The following CAMK1D variants were observed in gnomAD, a reference collection of about 807,000 sequenced individuals.
CAMK1D encodes calcium/calmodulin dependent protein kinase ID.
In CAMK1D, 9 loss-of-function variants were observed where a neutral mutation model predicts 47.7. That is an observed-to-expected ratio of 0.19 (90% CI 0.11 to 0.33). The LOEUF (loss-of-function observed/expected upper bound fraction) is 0.33, where lower values mean the gene tolerates loss of function less well. Among genes scored for constraint, CAMK1D ranks in the 10% least tolerant of loss-of-function variants. The pLI, the probability that CAMK1D is intolerant of heterozygous loss-of-function variation, is 1.00. For missense variants in CAMK1D, 291 were observed against 488.7 expected, an observed-to-expected ratio of 0.60 and a Z score of 3.81; for synonymous variants, 184 against 184.9, an observed-to-expected ratio of 0.99 and a Z score of 0.04.
chr10:12,696,117 A>G (rs1439587404), intron 3 of CAMK1D, among the ~76,000 whole-genome samples: 1 of 151,862 alleles, frequency 6.6e-6, no homozygotes, highest in Admixed American at 6.6e-5. Context: ...AAATAAACGA[A>G]TATTATTTGA....
chr10:12,605,358 G>GTGTGTGTGTGTC (rs1443257957), intron 2 of CAMK1D, among the ~76,000 whole-genome samples: 1 of 151,490 alleles, frequency 6.6e-6, no homozygotes, highest in Admixed American at 6.6e-5. Context: ...GTGTGTGTGT[G>GTGTGTGTGTGTC]TGTGTGTGTA....
rs149767929 is a variant in CAMK1D at position 12,657,516 on chromosome 10, G to T, written c.225-9220G>T. On this transcript the variant is annotated intron_variant, in intron 2 of 10. Transcript: ENST00000619168. Reference sequence around the variant, plus strand: ...AGTTTAGCAACTTGACTGTTCTTGGGTTCAGTGAGAGAATGAAGCGCTAAT... The same window carrying T: ...AGTTTAGCAACTTGACTGTTCTTGGTTTCAGTGAGAGAATGAAGCGCTAAT... Among the ~76,000 whole-genome samples, 564 of 152,278 alleles carry T rather than the reference G, an allele frequency of 3.7e-3. 4 individuals are homozygous for T. Among genetic ancestry groups the T allele is most frequent in the African/African-American group, 0.013 (531 of 41,560 alleles).
chr10:12,627,158 T>C (rs1839243047), intron 2 of CAMK1D, among the ~76,000 whole-genome samples: 1 of 149,830 alleles, frequency 6.7e-6, no homozygotes, highest in Admixed American at 6.7e-5. Context: ...CTCCGCTCAC[T>C]GCAAGCTCCG....
At chr10:12,745,405 G>A (rs980614244) in intron 3 of CAMK1D, among the ~76,000 whole-genome samples, 3 of 152,100 alleles carry the variant, frequency 2.0e-5, no homozygotes, top group Non-Finnish European at 4.4e-5. Context: ...ACATGCGTGT[G>A]CGCACGCACA....
chr10:12,429,005 C>T lies in CAMK1D; in HGVS notation c.92+79095C>T, dbSNP rs371563960. On this transcript the variant is annotated intron_variant, in intron 1 of 10. Coordinates refer to ENST00000619168, the MANE Select transcript of CAMK1D (RefSeq NM_153498.4). ...AGTCAATGTGTGGTTTATGAGCCAC[C>T]AGGTTTATGGTACTTTGCTGTAGCA... 1.3e-4 allele frequency among the ~76,000 whole-genome samples: 20 copies of T among 152,302 alleles called. No homozygotes were observed. The East Asian group carries it at 1.7e-3, about 13-fold the overall frequency.
At chr10:12,397,248 G>A (rs1300840883) in intron 1 of CAMK1D, among the ~76,000 whole-genome samples, 1 of 152,112 alleles carries the variant, frequency 6.6e-6, no homozygotes, top group Non-Finnish European at 1.5e-5. Flanking sequence ...AATGAGCGGG[G>A]CTGGTTTTTG....
At chr10:12,632,868 T>C (rs935847752) in intron 2 of CAMK1D, among the ~76,000 whole-genome samples, 10 of 152,182 alleles carry the variant, frequency 6.6e-5, no homozygotes, top group African/African-American at 2.4e-4. Flanking sequence ...CTAATTTTTG[T>C]ATTTTTAATA....
chr10:12,537,066 C>T (rs537249186), intron 1 of CAMK1D, among the ~76,000 whole-genome samples: 1 of 151,972 alleles, frequency 6.6e-6, no homozygotes, highest in African/African-American at 2.4e-5. Context: ...TGTGGGTTTT[C>T]ACTTTTTCTT....
chr10:12,529,662 G>C lies in CAMK1D; in HGVS notation c.93-23563G>C, dbSNP rs117597517. On this transcript the variant is annotated intron_variant, in intron 1 of 10. Transcript: ENST00000619168. Reference sequence around the variant, plus strand: ...ATAGAGACGAGCCACACAGTGCCGGGTAGTCCCTTACTCCATGTACGGGGT... The same window carrying C: ...ATAGAGACGAGCCACACAGTGCCGGCTAGTCCCTTACTCCATGTACGGGGT... Among the ~76,000 whole-genome samples the C allele has an allele frequency of 7.4e-3, 1,124 of 152,336 alleles. 9 individuals are homozygous for C. Among genetic ancestry groups the C allele is most frequent in the Middle Eastern group, 0.031 (9 of 294 alleles).
chr10:12,755,957 G>T lies in CAMK1D; in HGVS notation c.300-4991G>T, dbSNP rs111961084. On this transcript the variant is annotated intron_variant, in intron 3 of 10. Transcript: ENST00000619168. The stretch of plus-strand genomic sequence containing the variant: ...CTCACAGCTCTTGCAGCATGCCCCT[G>T]TCTCTTCTCCACTCCCCTGGCCTTG... 5.3e-3 allele frequency among the ~76,000 whole-genome samples: 809 copies of T among 152,302 alleles called. 2 individuals are homozygous for T. Among genetic ancestry groups the T allele is most frequent in the Non-Finnish European group, 8.7e-3 (592 of 68,024 alleles).
chr10:12,537,022 C>G (rs940057450), intron 1 of CAMK1D, among the ~76,000 whole-genome samples: 1 of 152,048 alleles, frequency 6.6e-6, no homozygotes. Context: ...TACAGATGTA[C>G]CATTAAACTT....
At chr10:12,744,086 G>C (rs1419377450) in intron 3 of CAMK1D, among the ~76,000 whole-genome samples, 1 of 151,910 alleles carries the variant, frequency 6.6e-6, no homozygotes, top group Non-Finnish European at 1.5e-5. Context: ...TATAATATGT[G>C]GCCTTTTGTG....
chr10:12,650,709 C>G (rs1564468010), intron 2 of CAMK1D, among the ~76,000 whole-genome samples: 1 of 152,188 alleles, frequency 6.6e-6, no homozygotes, highest in Non-Finnish European at 1.5e-5. Flanking sequence ...GCTGGAGCAT[C>G]CTTGTGCCGC....
chr10:12,477,126 G>A (rs1158737454), intron 1 of CAMK1D, among the ~76,000 whole-genome samples: 1 of 152,016 alleles, frequency 6.6e-6, no homozygotes, highest in Admixed American at 6.6e-5. Flanking sequence ...AAGAAGAAGA[G>A]AAGTCCTGGC....
intron 1 of CAMK1D, among the ~76,000 whole-genome samples, chr10:12,367,421 C>G (rs1366649882): frequency 6.6e-6 from 1 of 152,000 alleles, no homozygotes; most frequent in East Asian, 1.9e-4. Context: ...CAGGATGATT[C>G]AAGCATATTA....
intron 1 of CAMK1D, among the ~76,000 whole-genome samples, chr10:12,427,700 G>GTTTTTCTTTTTTTTTTTTTTTT (rs1840284035): frequency 3.2e-5 from 1 of 31,030 alleles, no homozygotes; most frequent in East Asian, 9.9e-4. Flanking sequence ...TGAACTTACT[G>GTTTTTCTTTTTTTTTTTTTTTT]TTTTTTTTTT....
intron 1 of CAMK1D, among the ~76,000 whole-genome samples, chr10:12,455,394 A>G (rs896889077): frequency 2.0e-5 from 3 of 152,130 alleles, no homozygotes; most frequent in Non-Finnish European, 4.4e-5. Context: ...GGCTGGTGTC[A>G]AACTACTGGG....
At chr10:12,827,356 T>TCC (rs1450069719) in intron 10 of CAMK1D, among the ~76,000 whole-genome samples, 16 of 69,606 alleles carry the variant, frequency 2.3e-4, no homozygotes, top group South Asian at 6.7e-4. Context: ...CCTTCTTCCT[T>TCC]TCTTTCTTTC....
chr10:12,422,003 T>G (rs1222901280), intron 1 of CAMK1D, among the ~76,000 whole-genome samples: 1 of 151,998 alleles, frequency 6.6e-6, no homozygotes, highest in Non-Finnish European at 1.5e-5. Context: ...GAGATGGGGT[T>G]TCACCATGTT....
Sources: gnomAD v4.1 joint callset for allele counts (sites outside exome capture counted in the v4.1 genomes callset) on GRCh38, gnomAD v4.1.1 for gene constraint, MANE v1.5 for transcripts, NCBI Gene and HGNC (gene_info 2026-07-23, HGNC 2026-07-21) for gene names.